CLCN1: variants seen among roughly 807,000 people sequenced by gnomAD.
CLCN1 encodes chloride voltage-gated channel 1.
A neutral mutation model predicts 114.5 loss-of-function variants in CLCN1; 100 were observed. That is an observed-to-expected ratio of 0.87 (90% CI 0.74 to 1.03). The LOEUF (loss-of-function observed/expected upper bound fraction) is 1.03. CLCN1 is among the 50% of genes least tolerant of loss of function. The pLI is 0.00. For missense variants in CLCN1, 1,188 were observed against 1,250.0 expected (o/e 0.95, Z 0.75); for synonymous variants, 485 against 487.1 (o/e 1.00, Z 0.06).
rs1563074191 is a variant in CLCN1, at chr7:143,321,362, CAGCCT to C, written c.434-1_437del. 6.2e-7 allele frequency: 1 copy of C among 1,614,094 alleles called. No homozygotes were observed. The highest frequency in any genetic ancestry group is 8.5e-7 in the Non-Finnish European group (1 of 1,180,046). On this transcript the variant is annotated splice_acceptor_variant and coding_sequence_variant, in exon 4 of 23. Coordinates refer to ENST00000343257, the MANE Select transcript of CLCN1 (RefSeq NM_000083.3). LOFTEE classifies it high-confidence loss of function. The surrounding 1 kb of genome is among the most constrained non-coding windows in gnomAD (Gnocchi z 4.2). ...GCCTAACCCCAGGCATGTGTCTCCG[CAGCCT>C]ACAAGTGGTCCTACGCGCAGATGCA...
chr7:143,345,548 A>G lies in CLCN1; in HGVS notation c.1958A>G (p.Glu653Gly). The change falls in exon 17 of 23, where the codon GAG becomes GGG. Residue 653 changes from glutamate to glycine, a missense_variant. By Grantham distance (98) the Glu-to-Gly change is moderately conservative. Coordinates refer to ENST00000343257, the MANE Select transcript of CLCN1 (RefSeq NM_000083.3). ...TCAATGATCCTGCTGGGCTCGGTGG[A>G]GCGGTCGGAACTGCAGGCCCTCCTG... Reference protein sequence around the residue: ...KDSMILLGSVERSELQALLQR... With the variant: ...KDSMILLGSVGRSELQALLQR... 6.5e-7 allele frequency: 1 copy of G among 1,539,794 alleles called. No individual in the cohort carries two copies. The highest frequency in any genetic ancestry group is 8.8e-7 in the Non-Finnish European group (1 of 1,139,068).
chr7:143,321,815 G>C lies in CLCN1; in HGVS notation c.663G>C (p.Ala221=), dbSNP rs147317366. 3.1e-6 allele frequency: 5 copies of C among 1,614,104 alleles called. No homozygotes were observed. The Admixed American group carries it at 5.0e-5, about 16-fold the overall frequency. ...TGGCCAAGGTTGTCGCCCTGACTGC[G>C]GGCCTGGGCAGTGGCATCCCCGTGG... ...AFVAKVVALT[A]GLGSGIPVGK... Residue 221 remains alanine, a synonymous_variant, in exon 5 of 23, where the codon GCG becomes GCC. Coordinates refer to ENST00000343257, the MANE Select transcript of CLCN1 (RefSeq NM_000083.3). This position sits in a 1 kb window ranked among gnomAD's most constrained non-coding sequence, Gnocchi z 4.2.
chr7:143,339,771 A>G lies in CLCN1; in HGVS notation c.1582+150A>G. 1 of 677,716 alleles carries G rather than the reference A, an allele frequency of 1.5e-6. No homozygotes were observed. The highest frequency in any genetic ancestry group is 1.6e-5 in the South Asian group (1 of 62,046). 42.0% of individuals were successfully genotyped at this position (677,716 alleles called of 1,614,324 possible). On this transcript the variant is annotated intron_variant, in intron 14 of 22. Coordinates refer to ENST00000343257, the MANE Select transcript of CLCN1 (RefSeq NM_000083.3). The surrounding 1 kb of genome is among the most constrained non-coding windows in gnomAD (Gnocchi z 4.1). ...CAACTTTTACTCAGATAACATACCC[A>G]TGGCTCTGACTCTCATTATTTCTTA...
intron 1 of CLCN1, among the ~76,000 whole-genome samples, chr7:143,318,789 A>G (rs766171064): frequency 6.6e-6 from 1 of 152,162 alleles, no homozygotes; most frequent in Non-Finnish European, 1.5e-5. Flanking sequence ...GGTCCCACGC[A>G]GGGTTTGGAA....
In CLCN1 at chr7:143,351,893, G is replaced by C; in HGVS notation, c.2895G>C (p.Glu965Asp). Residue 965 changes from glutamate to aspartate, a missense_variant, in exon 23 of 23, where the codon GAG (glutamate) becomes GAC (aspartate). Glu to Asp is a conservative substitution (Grantham distance 45). Coordinates refer to ENST00000343257, the MANE Select transcript of CLCN1 (RefSeq NM_000083.3). ...ELVESPGLEE[E>D]LADILQGPSL... Reference sequence around the variant, plus strand: ...TGGAGAGTCCAGGGCTGGAAGAGGAGCTGGCCGACATCTTGCAGGGCCCCA... The same window carrying C: ...TGGAGAGTCCAGGGCTGGAAGAGGACCTGGCCGACATCTTGCAGGGCCCCA... 7 of 1,614,120 alleles carry C rather than the reference G, an allele frequency of 4.3e-6. No individual in the cohort carries two copies. The highest frequency in any genetic ancestry group is 5.9e-6 in the Non-Finnish European group (7 of 1,180,026).
In CLCN1 at chr7:143,339,989, T is replaced by A. The variant is rs1803035613; in HGVS notation, c.1582+368T>A. On this transcript the variant is annotated intron_variant, in intron 14 of 22. Transcript: ENST00000343257. This position sits in a 1 kb window ranked among gnomAD's most constrained non-coding sequence, Gnocchi z 4.1. ...TGACTCAACCTGAGACGTGTTGATA[T>A]TGATGGGTAGTTAAGAGCACAGGAC... Among the ~76,000 whole-genome samples the A allele has an allele frequency of 6.6e-6, 1 of 152,170 alleles. No individual in the cohort carries two copies. The highest frequency in any genetic ancestry group is 2.4e-5 in the African/African-American group (1 of 41,442).
intron 1 of CLCN1, among the ~76,000 whole-genome samples, chr7:143,317,903 G>A (rs1183085146): frequency 6.6e-6 from 1 of 152,140 alleles, no homozygotes; most frequent in Non-Finnish European, 1.5e-5. Flanking sequence ...GTACATGGTT[G>A]TATCTGGGTG....
intron 20 of CLCN1, among the ~76,000 whole-genome samples, chr7:143,349,188 T>C (rs1803330426): frequency 6.6e-6 from 1 of 152,216 alleles, no homozygotes; most frequent in African/African-American, 2.4e-5. Flanking sequence ...TGGCAAGGTC[T>C]AGCCCCCGTC....
At chr7:143,340,636 G>T (rs1184760575) in intron 14 of CLCN1, among the ~76,000 whole-genome samples, 1 of 152,082 alleles carries the variant, frequency 6.6e-6, no homozygotes, top group East Asian at 1.9e-4. Flanking sequence ...GGGCTCAAGT[G>T]ATTCTCCTGC....
intron 20 of CLCN1, 128 bp downstream of exon 20, chr7:143,347,077 G>C (rs971622361): frequency 1.2e-6 from 1 of 865,882 alleles, no homozygotes; most frequent in Non-Finnish European, 2.0e-6. Context: ...TGTTTTGAGA[G>C]GATGGAAATA....
intron 7 of CLCN1, among the ~76,000 whole-genome samples, chr7:143,328,750 A>G (rs1802642558): frequency 6.6e-6 from 1 of 152,104 alleles, no homozygotes; most frequent in Non-Finnish European, 1.5e-5. Flanking sequence ...ATGTGATGTG[A>G]AGAGCAGGGC....
chr7:143,341,990 A>T lies in CLCN1; in HGVS notation c.1644A>T (p.Glu548Asp). 6.2e-7 allele frequency: 1 copy of T among 1,614,188 alleles called. No homozygotes were observed. The highest frequency in any genetic ancestry group is 1.1e-5 in the South Asian group (1 of 91,076). ...TCTCCACAGCTGTGATTTGCTTCGA[A>T]TTAACGGGTCAGATTGCTCACATCC... ...HTVSTAVICF[E>D]LTGQIAHILP... Residue 548 changes from glutamate (E) to aspartate (D), a missense_variant, in exon 15 of 23, where the codon GAA (glutamate) becomes GAT (aspartate). Physicochemically the swap from Glu to Asp is conservative, Grantham distance 45 (BLOSUM62 2). Transcript: ENST00000343257.
rs532800610 is a variant in CLCN1, at chr7:143,323,800, G to A, written c.774+414G>A. On this transcript the variant is annotated intron_variant, in intron 6 of 22. Transcript: ENST00000343257. ...CCCCACCCCTCCACCCCCTTGTCCC[G>A]CGTGCTTCTCTGTTGCAGACCGTGC... 41 of 475,636 alleles carry A rather than the reference G, an allele frequency of 8.6e-5. No homozygotes were observed. In the East Asian group the frequency reaches 1.3e-3, roughly 15 times the overall value. The allele number at this position is 475,636 out of a possible 1,614,324, so 29.5% of individuals were successfully genotyped here.
Position 143,319,867 on chromosome 7 carries a change from A to G in CLCN1, c.293A>G (p.Lys98Arg). 3.1e-6 allele frequency: 5 copies of G among 1,613,872 alleles called. No individual in the cohort carries two copies. The highest frequency in any genetic ancestry group is 4.2e-6 in the Non-Finnish European group (5 of 1,179,786). Residue 98 changes from lysine (K) to arginine (R), a missense_variant, in exon 2 of 23, where the codon AAA becomes AGA. By Grantham distance (26) the Lys-to-Arg change is conservative. Transcript: ENST00000343257. ...VDSKDEDHYS[K>R]CQDCIHRLGQ... is the part of the protein sequence containing the mutation. The stretch of plus-strand genomic sequence containing the variant: ...AGCAAGGATGAGGATCACTATTCTA[A>G]ATGTCAAGGTGATGGGGACTGAGGA...
At position 143,324,224 on chromosome 7, in the gene CLCN1, G is replaced by A. The variant is rs577401124; in HGVS notation, c.775-190G>A. Among the ~76,000 whole-genome samples the A allele has an allele frequency of 6.6e-6, 1 of 152,224 alleles. No individual in the cohort carries two copies. Among genetic ancestry groups the A allele is most frequent in the East Asian group, 1.9e-4 (1 of 5,178 alleles). Reference sequence around the variant, plus strand: ...ATTTCATTTTGACACTGTGCTATGAGGTTAATTCCTTTTTGCCAAACTCAC... The same window carrying A: ...ATTTCATTTTGACACTGTGCTATGAAGTTAATTCCTTTTTGCCAAACTCAC... On this transcript the variant is annotated intron_variant, in intron 6 of 22. Coordinates refer to ENST00000343257, the MANE Select transcript of CLCN1 (RefSeq NM_000083.3). This position sits in a 1 kb window ranked among gnomAD's most constrained non-coding sequence, Gnocchi z 4.6.
At chr7:143,347,411 A>G (rs1161215679) in intron 20 of CLCN1, among the ~76,000 whole-genome samples, 4 of 151,954 alleles carry the variant, frequency 2.6e-5, no homozygotes, top group South Asian at 4.2e-4. Flanking sequence ...ACCTGAGGTC[A>G]GGAGTTTGAG....
In CLCN1 at chr7:143,316,267, G is replaced by T; in HGVS notation, c.55G>T (p.Asp19Tyr). 6.2e-7 allele frequency: 1 copy of T among 1,613,290 alleles called. No individual in the cohort carries two copies. Among genetic ancestry groups the T allele is most frequent in the Non-Finnish European group, 8.5e-7 (1 of 1,179,352 alleles). Residue 19 changes from aspartate to tyrosine, a missense_variant, in exon 1 of 23, where the codon GAC becomes TAC. By Grantham distance (160) the Asp-to-Tyr change is radical (BLOSUM62 -3). Coordinates refer to ENST00000343257, the MANE Select transcript of CLCN1 (RefSeq NM_000083.3). ...GGGTGAACAAAGCTGGTGGGGTAGT[G>T]ACCCCCAGTACCAGTATATGCCCTT... The part of the protein sequence containing the change: ...RGGEQSWWGS[D>Y]PQYQYMPFEH...
At position 143,320,049 on chromosome 7, in the gene CLCN1, A is replaced by G. The variant is rs574971215; in HGVS notation, c.301+174A>G. Among the ~76,000 whole-genome samples the G allele has an allele frequency of 3.3e-5, 5 of 152,288 alleles. No homozygotes were observed. In the South Asian group the frequency reaches 6.2e-4, roughly 19 times the overall value. On this transcript the variant is annotated intron_variant, in intron 2 of 22. Transcript: ENST00000343257. Reference sequence around the variant, plus strand: ...TGTCATTCAGACTGAAGTGCAGTGGAGTGATCATAGCTCACTGCAGCCTAG... The same window carrying G: ...TGTCATTCAGACTGAAGTGCAGTGGGGTGATCATAGCTCACTGCAGCCTAG...
chr7:143,322,523 T>TTTG lies in CLCN1; in HGVS notation c.696+691_696+693dup, dbSNP rs778966411. 9.9e-5 allele frequency among the ~76,000 whole-genome samples: 15 copies of TTTG among 152,092 alleles called. 1 individual carries two copies. The highest frequency in any genetic ancestry group is 1.7e-4 in the African/African-American group (7 of 41,410). On this transcript the variant is annotated intron_variant, in intron 5 of 22. Coordinates refer to ENST00000343257, the MANE Select transcript of CLCN1 (RefSeq NM_000083.3). ...TGCCTCTTAAAACAAAATTGAAAGT[T>TTTG]TTGTTGTTGTTGTTGTTGAGACAGT...
Sources: allele counts gnomAD v4.1 joint callset (sites outside exome capture counted in the v4.1 genomes callset), GRCh38; gene constraint gnomAD v4.1.1; non-coding constraint Gnocchi (gnomAD v3.1); transcripts MANE v1.5; gene names NCBI Gene and HGNC (gene_info 2026-07-23, HGNC 2026-07-21).